The following METTL15 variants were observed in gnomAD, a reference collection of about 807,000 sequenced individuals.
The protein encoded by METTL15 is methyltransferase 15, mitochondrial 12S rRNA N4-cytidine, also known as 12S rRNA N(4)-cytidine methyltransferase METTL15.
METTL15 carries 34 observed loss-of-function variants against 38.3 expected under a neutral mutation model. The ratio of observed to expected loss-of-function variants is 0.89; its 90% CI spans 0.68 to 1.18. METTL15 has a LOEUF of 1.18. Among genes scored for constraint, METTL15 ranks in the 50% most tolerant of loss-of-function variants. METTL15 has a pLI of 0.00. For synonymous variants in METTL15, 162 were observed against 170.9 expected, an observed-to-expected ratio of 0.95 and a Z score of 0.41; for missense variants, 438 against 498.4, an observed-to-expected ratio of 0.88 and a Z score of 1.15.
Position 28,437,005 on chromosome 11 carries a change from A to G in METTL15, c.*424+12641A>G, listed in dbSNP as rs147888481. Among the ~76,000 whole-genome samples, 40 of 152,312 alleles carry G rather than the reference A, an allele frequency of 2.6e-4. No homozygotes were observed. The East Asian group carries it at 7.7e-3, about 29-fold the overall frequency. ...GTGAAGCTGACTTGCAGAGTCTTCC[A>G]GCCTTCATCTTTCTTCCATGCTAGA... On this transcript the variant is annotated intron_variant and NMD_transcript_variant, in intron 6 of 7. Coordinates refer to the METTL15 transcript ENST00000532947.
chr11:28,475,761 C>T (rs1157886631), intron 6 of METTL15, among the ~76,000 whole-genome samples: 7 of 152,296 alleles, frequency 4.6e-5, no homozygotes, highest in South Asian at 4.2e-4. Flanking sequence ...CAACCTTAAT[C>T]GTATGTTTTT....
In METTL15 at chr11:28,458,090, C is replaced by T. The variant is rs534557963; in HGVS notation, c.*424+33726C>T. Among the ~76,000 whole-genome samples, 32 of 152,208 alleles carry T rather than the reference C, an allele frequency of 2.1e-4. No individual in the cohort carries two copies. In the South Asian group the frequency reaches 3.7e-3, roughly 18 times the overall value. On this transcript the variant is annotated intron_variant and NMD_transcript_variant, in intron 6 of 7. Transcript: ENST00000532947. Reference sequence around the variant, plus strand: ...TTTCATGAGGAGATGGGGTGACTTTCGAGGATGTGCCCAGAAAAACCTCTC... The same window carrying T: ...TTTCATGAGGAGATGGGGTGACTTTTGAGGATGTGCCCAGAAAAACCTCTC...
intron 6 of METTL15, among the ~76,000 whole-genome samples, chr11:28,475,850 T>A (rs552948996): frequency 6.6e-6 from 1 of 152,310 alleles, no homozygotes; most frequent in African/African-American, 2.4e-5. Context: ...AACTGAAGAA[T>A]TTGCCTGTCC....
chr11:28,111,549 A>G (rs1851719345), intron 2 of METTL15, among the ~76,000 whole-genome samples: 1 of 152,240 alleles, frequency 6.6e-6, no homozygotes, highest in African/African-American at 2.4e-5. Flanking sequence ...TTGAAGTACT[A>G]TTAAATTACA....
At chr11:28,233,620 T>G (rs1853789260) in intron 4 of METTL15, among the ~76,000 whole-genome samples, 1 of 152,058 alleles carries the variant, frequency 6.6e-6, no homozygotes, top group South Asian at 2.1e-4. Flanking sequence ...TAATAATTAT[T>G]GAAATAAATG....
intron 3 of METTL15, among the ~76,000 whole-genome samples, chr11:28,144,059 A>G (rs568078188): frequency 7.2e-5 from 11 of 152,316 alleles, no homozygotes; most frequent in Admixed American, 3.3e-4. Context: ...GTGGTCCCCA[A>G]TAGACTCTAA....
intron 3 of METTL15, among the ~76,000 whole-genome samples, chr11:28,135,804 G>A (rs1345890585): frequency 6.6e-6 from 1 of 152,124 alleles, no homozygotes; most frequent in African/African-American, 2.4e-5. Context: ...AATTATTAAA[G>A]GCTGTAATTA....
At chr11:28,260,242 C>A (rs189438279) in intron 4 of METTL15, among the ~76,000 whole-genome samples, 1 of 152,148 alleles carries the variant, frequency 6.6e-6, no homozygotes, top group Admixed American at 6.6e-5. Context: ...TTGCATAGAA[C>A]GTTCTTCCCT....
At chr11:28,317,622 C>T (rs1223290064) in intron 6 of METTL15, among the ~76,000 whole-genome samples, 2 of 152,042 alleles carry the variant, frequency 1.3e-5, no homozygotes, top group African/African-American at 4.8e-5. Context: ...TAAGGGTATC[C>T]CAGAACTAAA....
At position 28,512,227 on chromosome 11, in the gene METTL15, G is replaced by T. The variant is rs1030826551; in HGVS notation, c.*425-14251G>T. On this transcript the variant is annotated intron_variant and NMD_transcript_variant, in intron 6 of 7. Coordinates refer to the METTL15 transcript ENST00000532947. Reference sequence around the variant, plus strand: ...TTACAACCCTTAGCTAGACATAAAGGTTCTCCAAGTCCCCACCAGAGTCAG... The same window carrying T: ...TTACAACCCTTAGCTAGACATAAAGTTTCTCCAAGTCCCCACCAGAGTCAG... Among the ~76,000 whole-genome samples the T allele has an allele frequency of 5.9e-5, 9 of 152,226 alleles. No individual in the cohort carries two copies. In the South Asian group the frequency reaches 6.2e-4, roughly 11 times the overall value.
intron 6 of METTL15, among the ~76,000 whole-genome samples, chr11:28,472,576 A>T (rs1239922403): frequency 6.6e-6 from 1 of 152,164 alleles, no homozygotes; most frequent in Non-Finnish European, 1.5e-5. Flanking sequence ...AGAATAAAAG[A>T]ATATGTGGAT....
At chr11:28,474,196 AC>A (rs1851326321) in intron 6 of METTL15, among the ~76,000 whole-genome samples, 1 of 151,878 alleles carries the variant, frequency 6.6e-6, no homozygotes, top group Non-Finnish European at 1.5e-5. Flanking sequence ...AATATTTATT[AC>A]AAATATTTAA....
chr11:28,389,931 G>T (rs1453895425), intron 5 of METTL15, among the ~76,000 whole-genome samples: 1 of 152,014 alleles, frequency 6.6e-6, no homozygotes, highest in East Asian at 1.9e-4. Context: ...ATTCTAACTG[G>T]TATGAGATGG....
intron 3 of METTL15, among the ~76,000 whole-genome samples, chr11:28,187,723 A>G (rs899792546): frequency 6.6e-6 from 1 of 151,042 alleles, no homozygotes; most frequent in Non-Finnish European, 1.5e-5. Flanking sequence ...AAGCACTTCT[A>G]AGTTTATATT....
At chr11:28,411,963 T>C (rs925897633) in intron 5 of METTL15, among the ~76,000 whole-genome samples, 18 of 152,082 alleles carry the variant, frequency 1.2e-4, no homozygotes, top group African/African-American at 3.9e-4. Flanking sequence ...AAAGAAGATG[T>C]GAAGATGGCC....
intron 6 of METTL15, among the ~76,000 whole-genome samples, chr11:28,317,725 C>T (rs1857529806): frequency 6.6e-6 from 1 of 152,144 alleles, no homozygotes; most frequent in South Asian, 2.1e-4. Context: ...CTTTCACATA[C>T]AAATTGTGTT....
intron 2 of METTL15, among the ~76,000 whole-genome samples, chr11:28,111,436 C>T (rs1200815108): frequency 2.0e-5 from 3 of 152,010 alleles, no homozygotes; most frequent in South Asian, 2.1e-4. Context: ...CTGGGAACCC[C>T]GCAGCATACT....
At chr11:28,445,718 C>T (rs921718500) in intron 6 of METTL15, among the ~76,000 whole-genome samples, 4 of 152,068 alleles carry the variant, frequency 2.6e-5, no homozygotes, top group Admixed American at 6.5e-5. Flanking sequence ...GTGGCATGAT[C>T]GCGACTCACT....
At chr11:28,241,233 T>C (rs1016077151) in intron 4 of METTL15, among the ~76,000 whole-genome samples, 3 of 152,174 alleles carry the variant, frequency 2.0e-5, no homozygotes, top group South Asian at 2.1e-4. Context: ...GTGATACTTA[T>C]GATGAAAAAC....
Sources: allele counts gnomAD v4.1 joint callset (sites outside exome capture counted in the v4.1 genomes callset), GRCh38; gene constraint gnomAD v4.1.1; transcripts MANE v1.5; gene names NCBI Gene and HGNC (gene_info 2026-07-23, HGNC 2026-07-21).